DPP6: variants seen among roughly 807,000 people sequenced by gnomAD.
DPP6 encodes dipeptidyl peptidase like 6, also known as A-type potassium channel modulatory protein DPP6.
DPP6 carries 69 observed loss-of-function variants against 122.6 expected under a neutral mutation model. The observed-to-expected ratio is 0.56, with a 90% CI of 0.46 to 0.69. DPP6 has a LOEUF of 0.69. Ranked by LOEUF, DPP6 falls within the 30% of genes least tolerant of loss-of-function variation. The pLI is 0.00. For missense variants in DPP6, 928 were observed against 1,116.9 expected (o/e 0.83, Z 2.41); for synonymous variants, 418 against 433.1 (o/e 0.97, Z 0.43).
chr7:154,707,791 A>G (rs1255237449), intron 7 of DPP6, among the ~76,000 whole-genome samples: 1 of 152,236 alleles, frequency 6.6e-6, no homozygotes, highest in South Asian at 2.1e-4. Context: ...CAATCATGGC[A>G]GAAGGTAAAG....
chr7:154,329,825 A>G (rs561807333), intron 1 of DPP6, among the ~76,000 whole-genome samples: 16 of 152,366 alleles, frequency 1.1e-4, no homozygotes, highest in Admixed American at 1.0e-3. Flanking sequence ...TGGCACATAT[A>G]CACCATGGAA....
chr7:153,892,782 C>A (rs1182891438), intron 1 of DPP6, among the ~76,000 whole-genome samples: 1 of 152,220 alleles, frequency 6.6e-6, no homozygotes, highest in African/African-American at 2.4e-5. Flanking sequence ...TTTGCCTTCT[C>A]AAAATGGGTT....
intron 5 of DPP6, chr7:154,587,867 C>A: frequency 6.2e-7 from 1 of 1,612,882 alleles, no homozygotes; most frequent in Non-Finnish European, 8.5e-7. Flanking sequence ...GGACCTGTTT[C>A]AGATATTCCA....
intron 18 of DPP6, 48 bp from the exon 19 acceptor site, chr7:154,872,576 G>A (rs374951635): frequency 9.0e-6 from 14 of 1,560,108 alleles, no homozygotes; most frequent in Admixed American, 5.7e-5. Flanking sequence ...CCGATACCCC[G>A]TGGCCAGCAT....
At position 154,701,634 on chromosome 7, in the gene DPP6, A is replaced by G. The variant is rs532345139; in HGVS notation, c.763-26133A>G. ...ATATCATTGCTTCACTCACCAGATC[A>G]TGCATCTTCCCATCATTGCTTCTGT... On this transcript the variant is annotated intron_variant, in intron 7 of 25. Transcript: ENST00000377770. Among the ~76,000 whole-genome samples, 10 of 152,296 alleles carry G rather than the reference A, an allele frequency of 6.6e-5. No individual in the cohort carries two copies. The East Asian group carries it at 1.7e-3, about 26-fold the overall frequency.
chr7:154,879,506 C>T (rs1232865715), intron 20 of DPP6, among the ~76,000 whole-genome samples: 3 of 100,224 alleles, frequency 3.0e-5, no homozygotes, highest in Non-Finnish European at 5.5e-5. Context: ...AGGAGAATGG[C>T]GTGAACCCCA....
chr7:154,306,221 G>A (rs942480381), intron 1 of DPP6, among the ~76,000 whole-genome samples: 15 of 152,302 alleles, frequency 9.8e-5, no homozygotes, highest in African/African-American at 2.4e-4. Context: ...GGCACAGGGC[G>A]GCCGCTCGCC....
intron 1 of DPP6, among the ~76,000 whole-genome samples, chr7:153,894,344 T>G (rs7793065): frequency 0.014 from 2,168 of 152,294 alleles, 57 homozygotes; most frequent in African/African-American, 0.05. Flanking sequence ...TTTTATTTGA[T>G]AGCAAGACCA....
chr7:153,972,200 C>T (rs1391686774), intron 1 of DPP6, among the ~76,000 whole-genome samples: 1 of 150,988 alleles, frequency 6.6e-6, no homozygotes, highest in Non-Finnish European at 1.5e-5. Context: ...GGCAGATGTG[C>T]TCTAGGAGGA....
intron 1 of DPP6, among the ~76,000 whole-genome samples, chr7:153,901,933 G>T (rs1392073514): frequency 6.6e-6 from 1 of 152,164 alleles, no homozygotes; most frequent in South Asian, 2.1e-4. Context: ...GTTACACTAA[G>T]GTTTAGTTGT....
Position 154,052,828 on chromosome 7 carries a change from C to T in DPP6, c.8C>T (p.Ser3Leu). The stretch of plus-strand genomic sequence containing the variant: ...GCAGGAGCGCGGTGCCCGATGGCTT[C>T]GCTGTACCAGAGGTTCACTGGCAAG... MA[S>L]LYQRFTGKIN... Residue 3 changes from serine to leucine, a missense_variant, in exon 1 of 26, where the codon TCG becomes TTG. Coordinates refer to ENST00000377770, the MANE Select transcript of DPP6 (RefSeq NM_130797.4). This position sits in a 1 kb window ranked among gnomAD's most constrained non-coding sequence, Gnocchi z 4.8. 3.9e-6 allele frequency: 6 copies of T among 1,528,568 alleles called. No individual in the cohort carries two copies. The highest frequency in any genetic ancestry group is 5.0e-5 in the East Asian group (2 of 39,900). The allele number at this position is 1,528,568 out of a possible 1,614,324, so 94.7% of individuals were successfully genotyped here. A position where few individuals can be genotyped will look rare whatever the true frequency, so the allele number is the denominator to read the frequency against.
At chr7:154,557,344 A>G (rs1027064015) in intron 4 of DPP6, among the ~76,000 whole-genome samples, 1 of 152,172 alleles carries the variant, frequency 6.6e-6, no homozygotes, top group African/African-American at 2.4e-5. Flanking sequence ...CCCTCCATCA[A>G]GGAATGTGAC....
chr7:154,515,240 G>T (rs1049241833), intron 3 of DPP6, among the ~76,000 whole-genome samples: 1 of 152,146 alleles, frequency 6.6e-6, no homozygotes, highest in African/African-American at 2.4e-5. Context: ...TGCATTTGGG[G>T]ACTCTGGCGT....
At chr7:154,631,654 G>A (rs1037029633) in intron 5 of DPP6, among the ~76,000 whole-genome samples, 9 of 145,438 alleles carry the variant, frequency 6.2e-5, no homozygotes, top group Admixed American at 4.1e-4. Flanking sequence ...GCAACAGAAC[G>A]AGACTCTGTC....
chr7:154,832,499 C>T (rs1364218991), intron 16 of DPP6, among the ~76,000 whole-genome samples: 1 of 152,164 alleles, frequency 6.6e-6, no homozygotes, highest in African/African-American at 2.4e-5. Context: ...TCACCATCTC[C>T]CTTCCCAGTA....
intron 6 of DPP6, among the ~76,000 whole-genome samples, chr7:154,639,924 G>T (rs1835960342): frequency 6.6e-6 from 1 of 152,238 alleles, no homozygotes; most frequent in Admixed American, 6.5e-5. Flanking sequence ...GCTACTGTAT[G>T]CTTGAGTCTC....
At chr7:154,586,527 C>G (rs1039526429) in intron 5 of DPP6, among the ~76,000 whole-genome samples, 1 of 152,070 alleles carries the variant, frequency 6.6e-6, no homozygotes, top group East Asian at 1.9e-4. Flanking sequence ...TTTCTCTTCC[C>G]CACTGTCCTT....
intron 1 of DPP6, among the ~76,000 whole-genome samples, chr7:154,254,935 C>A (rs1459487428): frequency 1.3e-5 from 2 of 151,956 alleles, no homozygotes; most frequent in Non-Finnish European, 2.9e-5. Flanking sequence ...AAAGGAAACG[C>A]AAATTGTATT....
intron 8 of DPP6, among the ~76,000 whole-genome samples, chr7:154,759,380 C>T (rs963320103): frequency 6.6e-6 from 1 of 152,220 alleles, no homozygotes; most frequent in Non-Finnish European, 1.5e-5. Flanking sequence ...TTCTCAATCA[C>T]ACAACTCAAG....
Sources: gnomAD v4.1 joint callset for allele counts (sites outside exome capture counted in the v4.1 genomes callset) on GRCh38, gnomAD v4.1.1 for gene constraint, Gnocchi (gnomAD v3.1) non-coding constraint, MANE v1.5 for transcripts, NCBI Gene and HGNC (gene_info 2026-07-23, HGNC 2026-07-21) for gene names.